ATAD2: variants seen among roughly 807,000 people sequenced by gnomAD.
ATAD2 encodes ATPase family AAA domain containing 2.
In ATAD2, 62 loss-of-function variants were observed where a neutral mutation model predicts 168.9. The observed-to-expected ratio is 0.37, with a 90% CI of 0.30 to 0.45. The LOEUF (loss-of-function observed/expected upper bound fraction) is 0.45, where lower values mean the gene tolerates loss of function less well. Among genes scored for constraint, ATAD2 ranks in the 20% least tolerant of loss-of-function variants. ATAD2 has a pLI of 1.00. For synonymous variants in ATAD2, 613 were observed against 571.6 expected, an observed-to-expected ratio of 1.07 and a Z score of -1.03; for missense variants, 1,419 against 1,667.8, an observed-to-expected ratio of 0.85 and a Z score of 2.60.
At chr8:123,339,507 G>A in intron 19 of ATAD2, 61 bp from the exon 20 acceptor site, 2 of 1,422,488 alleles carry the variant, frequency 1.4e-6, no homozygotes, top group Non-Finnish European at 1.9e-6. Flanking sequence ...AACTTACAAT[G>A]GTTCAATTTA....
Position 123,361,635 on chromosome 8 carries a change from G to A in ATAD2, c.1061C>T (p.Ala354Val). The change falls in exon 9 of 28, where the codon GCA becomes GTA. Residue 354 changes from alanine (A) to valine (V), a missense_variant. By Grantham distance (64) the Ala-to-Val change is moderately conservative. Around this residue, in one of 5 missense-constraint regions of ATAD2, gnomAD observed 146 missense variants for 188.3 expected, o/e 0.78. Coordinates refer to ENST00000287394, the MANE Select transcript of ATAD2 (RefSeq NM_014109.4). The part of the protein sequence containing the change: ...YCKRMNRRRH[A>V]IHSSDSTSSS... The stretch of plus-strand genomic sequence containing the variant: ...TGAAGTCGAGTCACTACTGTGGATT[G>A]CATGCCTTCGCCTAAAGTAAAAAAC... The A allele has an allele frequency of 1.2e-6, 2 of 1,607,766 alleles. No homozygotes were observed. The highest frequency in any genetic ancestry group is 1.7e-6 in the Non-Finnish European group (2 of 1,175,216).
At position 123,323,110 on chromosome 8, in the gene ATAD2, C is replaced by G. The variant is rs753244983; in HGVS notation, c.4003-44G>C. On this transcript the variant is annotated intron_variant, in intron 26 of 27. Transcript: ENST00000287394. ...GTCAATATGTGTGAGAGAGAAACTTCCTCAGACAAGATACTTAATTTAGAA... is the reference window on the plus strand; with the variant it reads ...GTCAATATGTGTGAGAGAGAAACTTGCTCAGACAAGATACTTAATTTAGAA... 3.2e-6 allele frequency: 5 copies of G among 1,559,724 alleles called. No homozygotes were observed. In the Admixed American group the frequency reaches 9.2e-5, roughly 29 times the overall value.
intron 2 of ATAD2, among the ~76,000 whole-genome samples, chr8:123,376,125 GCT>G (rs896665030): frequency 6.6e-6 from 1 of 151,392 alleles, no homozygotes; most frequent in African/African-American, 2.4e-5. Context: ...AAAAAATTAG[GCT>G]GGGTGCAGTA....
intron 3 of ATAD2, among the ~76,000 whole-genome samples, chr8:123,372,137 G>A (rs1316307248): frequency 1.3e-5 from 2 of 152,084 alleles, no homozygotes; most frequent in Non-Finnish European, 2.9e-5. Flanking sequence ...CCATCAAAAG[G>A]TGAAGAGATA....
In ATAD2 at chr8:123,370,893, A is replaced by G. The variant is rs777182702; in HGVS notation, c.727+10T>C. 8.9e-6 allele frequency: 14 copies of G among 1,567,728 alleles called. No homozygotes were observed. The highest frequency in any genetic ancestry group is 1.2e-5 in the Non-Finnish European group (14 of 1,154,990). ...CAATCCCAGAAGACAGAACAAGAGA[A>G]GAGACTAACCCACACTGCCTTCTTG... On this transcript the variant is annotated intron_variant, in intron 6 of 27. Coordinates refer to ENST00000287394, the MANE Select transcript of ATAD2 (RefSeq NM_014109.4).
At position 123,413,232 on chromosome 8, in the gene ATAD2, C is replaced by A. The variant is rs565270113; in HGVS notation, c.-2282+3016G>T. The stretch of plus-strand genomic sequence containing the variant: ...CCCTGGCTCTAATGAGCGCCCCCCC[C>A]CCCCCAACTCCTCCCTGCTTCCTCA... On this transcript the variant is annotated intron_variant, in intron 1 of 28. Transcript: ENST00000521903. 5.8e-3 allele frequency among the ~76,000 whole-genome samples: 867 copies of A among 150,180 alleles called. 16 individuals are homozygous for A. Among genetic ancestry groups the A allele is most frequent in the African/African-American group, 0.02 (827 of 41,002 alleles).
At chr8:123,399,982 G>C (rs573325096), upstream of ATAD2, among the ~76,000 whole-genome samples, 6 of 151,688 alleles carry the variant, frequency 4.0e-5, no homozygotes, top group South Asian at 1.3e-3. Context: ...TGGCCAACAT[G>C]GCAAAACCTT....
At position 123,371,831 on chromosome 8, in the gene ATAD2, T is replaced by A; in HGVS notation, c.375A>T (p.Lys125Asn). 2 of 1,595,800 alleles carry A rather than the reference T, an allele frequency of 1.3e-6. No homozygotes were observed. Among genetic ancestry groups the A allele is most frequent in the Non-Finnish European group, 1.7e-6 (2 of 1,173,888 alleles). The change falls in exon 4 of 28, where the codon AAA (lysine) becomes AAT (asparagine). Residue 125 changes from lysine to asparagine, a missense_variant. By Grantham distance (94) the Lys-to-Asn change is moderately conservative (BLOSUM62 0). Around this residue, in one of 5 missense-constraint regions of ATAD2, gnomAD observed 419 missense variants for 423.5 expected, o/e 0.99. Transcript: ENST00000287394. ...TCAATGACCGAGTAACTGGAATCAC[T>A]TTGTCTTCACAAATGCATACATAAA... ...DKKKEEHRED[K>N]VIPVTRSLRA...
intron 1 of ATAD2, among the ~76,000 whole-genome samples, chr8:123,410,301 T>A (rs1353065571): frequency 6.6e-6 from 1 of 152,170 alleles, no homozygotes; most frequent in Non-Finnish European, 1.5e-5. Flanking sequence ...ATTTATTTAT[T>A]TATTAGCAGA....
rs778121672 is a variant in ATAD2 at position 123,396,295 on chromosome 8, G to A, written c.63C>T (p.Ser21=). 2.5e-6 allele frequency: 4 copies of A among 1,610,812 alleles called. No individual in the cohort carries two copies. The highest frequency in any genetic ancestry group is 3.3e-5 in the Admixed American group (2 of 59,980). ...TGAGGAAGTCACTGGACAGGTCCAAGGAGCCCGTGGCCGAGGCCGCGGAGT... is the reference window on the plus strand; with the variant it reads ...TGAGGAAGTCACTGGACAGGTCCAAAGAGCCCGTGGCCGAGGCCGCGGAGT... ...HNHSAASATG[S]LDLSSDFLSL... is the part of the protein sequence containing the mutation. The change falls in exon 1 of 28, where the codon TCC becomes TCT. Residue 21 remains serine (S), a synonymous_variant. Transcript: ENST00000287394.
rs1346801692 is a variant in ATAD2 at position 123,345,034 on chromosome 8, T to G, written c.2568A>C (p.Ile856=). 1 of 1,613,578 alleles carries G rather than the reference T, an allele frequency of 6.2e-7. No individual in the cohort carries two copies. Among genetic ancestry groups the G allele is most frequent in the Admixed American group, 1.7e-5 (1 of 60,012 alleles). The change falls in exon 19 of 28, where the codon ATA becomes ATC. Residue 856 remains isoleucine (I), a synonymous_variant. Transcript: ENST00000287394. The stretch of plus-strand genomic sequence containing the variant: ...ACACGTGGATATGAGGAACATACAC[T>G]ATACTTGGTGCTGTTCTCTTAGCTT... The part of the protein sequence containing the change: ...IREAKRTAPS[I]VYVPHIHVWW...
rs750643642 is a variant in ATAD2 at position 123,322,974 on chromosome 8, C to A, written c.4095G>T (p.Arg1365=). ...LYAVISQCIY[R]HRKDHDKTSL... is the part of the protein sequence containing the mutation. The stretch of plus-strand genomic sequence containing the variant: ...ATGTTTTATCATGGTCCTTGCGATG[C>A]CGATAAATACATTGGCTGATTACTG... The change falls in exon 27 of 28, where the codon CGG becomes CGT. Residue 1365 remains arginine (R), a synonymous_variant. Transcript: ENST00000287394. 7.4e-6 allele frequency: 12 copies of A among 1,613,694 alleles called. No homozygotes were observed. In the Admixed American group the frequency reaches 1.8e-4, roughly 25 times the overall value.
chr8:123,329,052 C>T (rs1189574598), intron 24 of ATAD2, among the ~76,000 whole-genome samples: 4 of 152,036 alleles, frequency 2.6e-5, no homozygotes, highest in East Asian at 1.9e-4. Context: ...CCGCCCGCCT[C>T]GGCCTCCCAA....
At chr8:123,353,112 C>T (rs1333307160) in intron 13 of ATAD2, among the ~76,000 whole-genome samples, 3 of 151,000 alleles carry the variant, frequency 2.0e-5, no homozygotes, top group African/African-American at 7.3e-5. Flanking sequence ...GCCTGTAATC[C>T]CAGCACTTTG....
chr8:123,346,038 T>C, intron 18 of ATAD2, 48 bp downstream of exon 18: 1 of 1,358,616 alleles, frequency 7.4e-7, no homozygotes, highest in Non-Finnish European at 9.6e-7. Flanking sequence ...TTTTAGCTTT[T>C]GCCTCTGAAA....
Position 123,347,335 on chromosome 8 carries a change from G to T in ATAD2, c.1969C>A (p.Gln657Lys). 1 of 1,613,736 alleles carries T rather than the reference G, an allele frequency of 6.2e-7. No individual in the cohort carries two copies. The stretch of plus-strand genomic sequence containing the variant: ...AGTTTCTCACTAGTGGTATAGATCT[G>T]TGGGTAGCGTCGTCGTAAAGCACAT... Reference protein sequence around the residue: ...ALCALRRRYPQIYTTSEKLQL... With the variant: ...ALCALRRRYPKIYTTSEKLQL... The change falls in exon 16 of 28, where the codon CAG becomes AAG. Residue 657 changes from glutamine to lysine, a missense_variant. Around this residue, in one of 5 missense-constraint regions of ATAD2, gnomAD observed 545 missense variants for 724.9 expected, o/e 0.75. Transcript: ENST00000287394.
At chr8:123,358,723 C>CA (rs1828720889) in intron 11 of ATAD2, among the ~76,000 whole-genome samples, 1 of 76,842 alleles carries the variant, frequency 1.3e-5, no homozygotes, top group African/African-American at 5.3e-5. Context: ...TGGTACATTA[C>CA]TTTTTTTTTT....
intron 19 of ATAD2, among the ~76,000 whole-genome samples, chr8:123,342,866 G>A (rs1366517306): frequency 1.3e-5 from 2 of 152,232 alleles, no homozygotes; most frequent in Admixed American, 1.3e-4. Context: ...GCCAGACACA[G>A]ATCTGCCTCA....
intron 1 of ATAD2, among the ~76,000 whole-genome samples, chr8:123,409,250 G>A (rs935392523): frequency 1.3e-5 from 2 of 152,152 alleles, no homozygotes; most frequent in African/African-American, 4.8e-5. Context: ...AATACCACAA[G>A]TATGGACCTG....
Sources: gnomAD v4.1 joint callset for allele counts (sites outside exome capture counted in the v4.1 genomes callset) on GRCh38, gnomAD v4.1.1 for gene constraint, gnomAD v4.1.1 regional missense constraint, MANE v1.5 for transcripts, NCBI Gene and HGNC (gene_info 2026-07-23, HGNC 2026-07-21) for gene names.